The following SLC9A1 variants were observed in gnomAD, a reference collection of about 807,000 sequenced individuals.
SLC9A1 encodes sodium/hydrogen exchanger 1.
Under a neutral mutation model 67.9 loss-of-function variants are expected in SLC9A1, and 22 were observed. That is an observed-to-expected ratio of 0.32 (90% CI 0.23 to 0.46). The LOEUF is 0.46. Among genes scored for constraint, SLC9A1 ranks in the 20% least tolerant of loss-of-function variants. The pLI, the probability that SLC9A1 is intolerant of heterozygous loss-of-function variation, is 1.00. For missense variants in SLC9A1, 686 were observed against 1,094.8 expected (o/e 0.63, Z 5.27); for synonymous variants, 421 against 471.8 (o/e 0.89, Z 1.40).
chr1:27,142,237 T>C (rs566433922), intron 1 of SLC9A1, among the ~76,000 whole-genome samples: 1 of 152,300 alleles, frequency 6.6e-6, no homozygotes, highest in African/African-American at 2.4e-5. Flanking sequence ...ACTCCTGAGT[T>C]AGTTAACAGA....
chr1:27,151,767 G>C (rs1189610272), intron 1 of SLC9A1, among the ~76,000 whole-genome samples: 1 of 152,186 alleles, frequency 6.6e-6, no homozygotes, highest in Non-Finnish European at 1.5e-5. Flanking sequence ...GGAAAAATGG[G>C]CTTTCATTTT....
At position 27,154,221 on chromosome 1, in the gene SLC9A1, C is replaced by G. The variant is rs1386040113; in HGVS notation, c.114G>C (p.Gln38His). ...GAATGGTGCTGGCAGTTGGGCTGAG[C>G]TGGAGGCCATGGCTCCTGAGAACAG... ...LLPVLRSHGL[Q>H]LSPTASTIRS... is the part of the protein sequence containing the mutation. The change falls in exon 1 of 12, where the codon CAG becomes CAC. Residue 38 changes from glutamine to histidine, a missense_variant. Gln to His is a conservative substitution (Grantham distance 24, BLOSUM62 0). Coordinates refer to ENST00000263980, the MANE Select transcript of SLC9A1 (RefSeq NM_003047.5). 6.2e-7 allele frequency: 1 copy of G among 1,613,964 alleles called. No individual in the cohort carries two copies. Among genetic ancestry groups the G allele is most frequent in the African/African-American group, 1.3e-5 (1 of 74,894 alleles).
intron 1 of SLC9A1, among the ~76,000 whole-genome samples, chr1:27,140,931 G>A (rs1444343334): frequency 6.6e-6 from 1 of 152,198 alleles, no homozygotes; most frequent in Non-Finnish European, 1.5e-5. Context: ...CCACAGCCCA[G>A]GCACGGCAGC....
chr1:27,147,000 G>A (rs2083490099), intron 1 of SLC9A1, among the ~76,000 whole-genome samples: 1 of 151,148 alleles, frequency 6.6e-6, no homozygotes, highest in Non-Finnish European at 1.5e-5. Context: ...GGCCGGGCGC[G>A]GTGGCTCATG....
At chr1:27,138,319 C>T (rs972505615) in intron 1 of SLC9A1, among the ~76,000 whole-genome samples, 3 of 152,216 alleles carry the variant, frequency 2.0e-5, no homozygotes, top group South Asian at 2.1e-4. Flanking sequence ...GCTCAGACAC[C>T]AGCTCCTTAG....
chr1:27,103,240 C>T lies in SLC9A1; in HGVS notation c.1558G>A (p.Glu520Lys). 1 of 1,607,582 alleles carries T rather than the reference C, an allele frequency of 6.2e-7. No homozygotes were observed. The highest frequency in any genetic ancestry group is 8.5e-7 in the Non-Finnish European group (1 of 1,176,952). ...KKQETKRSIN[E>K]EIHTQFLDHL... is the part of the protein sequence containing the mutation. Reference sequence around the variant, plus strand: ...TCCAGTACCTGTGTGTGGATCTCTTCGTTGATGGAGCGCTTCGTCTCTTGC... The same window carrying T: ...TCCAGTACCTGTGTGTGGATCTCTTTGTTGATGGAGCGCTTCGTCTCTTGC... Residue 520 changes from glutamate to lysine, a missense_variant, in exon 6 of 12, where the codon GAA becomes AAA. This residue lies in a region of SLC9A1 where 168 missense variants were observed against 375.4 expected (regional missense o/e 0.45). Coordinates refer to ENST00000263980, the MANE Select transcript of SLC9A1 (RefSeq NM_003047.5).
intron 1 of SLC9A1, among the ~76,000 whole-genome samples, chr1:27,115,012 C>G (rs913412586): frequency 6.6e-6 from 1 of 152,152 alleles, no homozygotes; most frequent in East Asian, 1.9e-4. Flanking sequence ...TTTGCTATCC[C>G]GCTTCTAGCT....
Position 27,154,282 on chromosome 1 carries a change from G to A in SLC9A1, c.53C>T (p.Ser18Phe), listed in dbSNP as rs755063792. ...CACCAAAGCAACCACCACGAGTAAG[G>A]AAGGGAAGATCCGATGTGGAGAGAG... ...CGLSPHRIFP[S>F]LLVVVALVGL... Residue 18 changes from serine (S) to phenylalanine (F), a missense_variant, in exon 1 of 12, where the codon TCC becomes TTC. By Grantham distance (155) the Ser-to-Phe change is radical. This residue lies in a region of SLC9A1 where 143 missense variants were observed against 166.7 expected (regional missense o/e 0.86). Coordinates refer to ENST00000263980, the MANE Select transcript of SLC9A1 (RefSeq NM_003047.5). 1 of 1,612,156 alleles carries A rather than the reference G, an allele frequency of 6.2e-7. No individual in the cohort carries two copies. The highest frequency in any genetic ancestry group is 8.5e-7 in the Non-Finnish European group (1 of 1,179,084).
chr1:27,154,603 G>A lies in SLC9A1; in HGVS notation c.-269C>T, dbSNP rs2083553898. The A allele has an allele frequency of 7.4e-6, 3 of 405,264 alleles. No individual in the cohort carries two copies. The highest frequency in any genetic ancestry group is 1.3e-5 in the Non-Finnish European group (3 of 224,838). 25.1% of individuals were successfully genotyped at this position (405,264 alleles called of 1,614,324 possible). ...AGGTCTGGAACTCCGGGCCTGGGAA[G>A]GGGGAGGACGGATGTGGGAAACTGA... On this transcript the variant is annotated 5_prime_UTR_variant, in exon 1 of 12. Coordinates refer to ENST00000263980, the MANE Select transcript of SLC9A1 (RefSeq NM_003047.5).
chr1:27,111,222 C>T (rs747938831), intron 2 of SLC9A1, among the ~76,000 whole-genome samples: 3 of 152,130 alleles, frequency 2.0e-5, no homozygotes, highest in Non-Finnish European at 4.4e-5. Context: ...CATTCCTGGC[C>T]TGAGGGGATT....
At chr1:27,107,904 G>T in intron 3 of SLC9A1, 39 bp from the exon 4 acceptor site, 1 of 1,450,680 alleles carries the variant, frequency 6.9e-7, no homozygotes, top group Non-Finnish European at 9.5e-7. Context: ...TCCGTGTCGA[G>T]CTGCACCTGC....
intron 1 of SLC9A1, among the ~76,000 whole-genome samples, chr1:27,123,144 A>T (rs1359686928): frequency 6.6e-6 from 1 of 152,174 alleles, no homozygotes; most frequent in Non-Finnish European, 1.5e-5. Flanking sequence ...CTCAAAATGG[A>T]AATATATTAT....
rs1243829516 is a variant in SLC9A1 at position 27,137,039 on chromosome 1, G to T, written c.352+16944C>A. On this transcript the variant is annotated intron_variant, in intron 1 of 11. Transcript: ENST00000263980. The surrounding 1 kb of genome is among the most constrained non-coding windows in gnomAD (Gnocchi z 4.6). ...GGTAGTGCCAGATGGAGCCCCATCT[G>T]CCCCCAGGGCCCACCTGCAACGTGC... Among the ~76,000 whole-genome samples the T allele has an allele frequency of 6.6e-6, 1 of 152,222 alleles. No homozygotes were observed. The highest frequency in any genetic ancestry group is 2.4e-5 in the African/African-American group (1 of 41,454).
intron 8 of SLC9A1, 51 bp from the exon 9 acceptor site, chr1:27,102,181 G>T: frequency 6.6e-7 from 1 of 1,508,276 alleles, no homozygotes; most frequent in Middle Eastern, 1.7e-4. Context: ...GGATCCTGGT[G>T]CCTCCCAGGT....
chr1:27,107,889 A>C (rs753278433), intron 3 of SLC9A1, 24 bp from the exon 4 acceptor site: 12 of 1,544,530 alleles, frequency 7.8e-6, no homozygotes, highest in Non-Finnish European at 9.7e-6. Context: ...GAGCGGGGTC[A>C]GGGCTCCGTG....
intron 1 of SLC9A1, among the ~76,000 whole-genome samples, chr1:27,126,752 C>A (rs2083346835): frequency 2.6e-5 from 4 of 152,214 alleles, no homozygotes; most frequent in Admixed American, 2.6e-4. Context: ...GCTAGCAGAA[C>A]TGTTTGAGGG....
chr1:27,100,714 G>A lies in SLC9A1; in HGVS notation c.2111-70C>T, dbSNP rs960551877. On this transcript the variant is annotated intron_variant, in intron 11 of 11. Transcript: ENST00000263980. This position sits in a 1 kb window ranked among gnomAD's most constrained non-coding sequence, Gnocchi z 5.6. ...CCGGCCCAGCACGTGCCACTCGGCC[G>A]CGTCAGTGCCTCCTTCAGGCCTTCT... 1.2e-5 allele frequency: 16 copies of A among 1,289,882 alleles called. No homozygotes were observed. Among genetic ancestry groups the A allele is most frequent in the South Asian group, 5.5e-5 (4 of 73,032 alleles). The allele number at this position is 1,289,882 out of a possible 1,614,324, so 79.9% of individuals were successfully genotyped here.
chr1:27,121,626 T>C (rs917708465), intron 1 of SLC9A1, among the ~76,000 whole-genome samples: 2 of 152,136 alleles, frequency 1.3e-5, no homozygotes, highest in African/African-American at 4.8e-5. Flanking sequence ...CATGTTGTGA[T>C]AGAGGATCAC....
rs879217543 is a variant in SLC9A1 at position 27,113,700 on chromosome 1, C to T, written c.813+126G>A. ...AGGGCTCAGCATGGTGCCTGGCATA[C>T]GGGAAGCGGGAATGTGCCTCAGCTG... On this transcript the variant is annotated intron_variant, in intron 2 of 11. Transcript: ENST00000263980. The T allele has an allele frequency of 5.5e-5, 41 of 741,300 alleles. 1 individual carries two copies. The highest frequency in any genetic ancestry group is 5.4e-4 in the East Asian group (21 of 39,234). The allele number at this position is 741,300 out of a possible 1,614,324, so 45.9% of individuals were successfully genotyped here.
Sources: allele counts gnomAD v4.1 joint callset (sites outside exome capture counted in the v4.1 genomes callset), GRCh38; gene constraint gnomAD v4.1.1; regional missense constraint gnomAD v4.1.1; non-coding constraint Gnocchi (gnomAD v3.1); transcripts MANE v1.5; gene names NCBI Gene and HGNC (gene_info 2026-07-23, HGNC 2026-07-21).